Variants in DOT1L observed in about 807,000 individuals in gnomAD.
DOT1L encodes the protein histone-lysine N-methyltransferase, H3 lysine-79 specific.
DOT1L carries 33 observed loss-of-function variants against 153.3 expected under a neutral mutation model. The observed-to-expected ratio is 0.22, with a 90% CI of 0.16 to 0.29. The LOEUF is 0.29. DOT1L is among the 10% of genes least tolerant of loss of function. The probability of loss-of-function intolerance (pLI) is 1.00; values close to 1 mark genes in which losing one functional copy is unlikely to be tolerated. For missense variants in DOT1L, 1,847 were observed against 2,119.9 expected (o/e 0.87, Z 2.53); for synonymous variants, 1,135 against 965.1 (o/e 1.18, Z -3.26).
At chr19:2,214,104 C>T (rs1192638313) in intron 18 of DOT1L, 118 bp downstream of exon 18, 12 of 1,445,162 alleles carry the variant, frequency 8.3e-6, no homozygotes, top group African/African-American at 1.4e-5. Flanking sequence ...GGGTTTGTTC[C>T]CAGACGAATT....
In DOT1L at chr19:2,232,282, C is replaced by T. The variant is rs879187737; in HGVS notation, c.*2490C>T. The T allele has an allele frequency of 9.2e-6, 2 of 216,632 alleles. No homozygotes were observed. Among genetic ancestry groups the T allele is most frequent in the South Asian group, 3.7e-4 (2 of 5,370 alleles). The allele number at this position is 216,632 out of a possible 1,614,324, so 13.4% of individuals were successfully genotyped here. A position where few individuals can be genotyped will look rare whatever the true frequency, so the allele number is the denominator to read the frequency against. On this transcript the variant is annotated 3_prime_UTR_variant, in exon 28 of 28. Transcript: ENST00000398665. ...CACAGTGACTTATTTAAGACTTCCCCCTTAATTTATCTGCCCCCAGGATGC... is the reference window on the plus strand; with the variant it reads ...CACAGTGACTTATTTAAGACTTCCCTCTTAATTTATCTGCCCCCAGGATGC...
chr19:2,219,797 G>A (rs562839162), intron 22 of DOT1L, among the ~76,000 whole-genome samples: 1 of 152,288 alleles, frequency 6.6e-6, no homozygotes, highest in Admixed American at 6.5e-5. Context: ...TCCCGGTGAG[G>A]GCGGGCTGTG....
At position 2,229,774 on chromosome 19, in the gene DOT1L, C is replaced by T; in HGVS notation, c.4607-11C>T. The T allele has an allele frequency of 6.2e-7, 1 of 1,613,264 alleles. No homozygotes were observed. Among genetic ancestry groups the T allele is most frequent in the Non-Finnish European group, 8.5e-7 (1 of 1,179,944 alleles). On this transcript the variant is annotated splice_polypyrimidine_tract_variant and intron_variant, in intron 27 of 27. Coordinates refer to ENST00000398665, the MANE Select transcript of DOT1L (RefSeq NM_032482.3). The stretch of plus-strand genomic sequence containing the variant: ...ACCTCAGGCCGCTCTTCCCGCTGTG[C>T]CCTTCTGCAGGTAACTAGGATTTCT...
At position 2,231,615 on chromosome 19, in the gene DOT1L, G is replaced by A; in HGVS notation, c.*1823G>A. The A allele has an allele frequency of 4.8e-6, 1 of 207,800 alleles. No individual in the cohort carries two copies. Among genetic ancestry groups the A allele is most frequent in the Non-Finnish European group, 9.8e-6 (1 of 101,968 alleles). The allele number at this position is 207,800 out of a possible 1,614,324, so 12.9% of individuals were successfully genotyped here. Reference sequence around the variant, plus strand: ...TCCCCACCCCACGTTGGTGCTCTCAGCTAGAAGGTGCTGTGCCTCTGCCTG... The same window carrying A: ...TCCCCACCCCACGTTGGTGCTCTCAACTAGAAGGTGCTGTGCCTCTGCCTG... On this transcript the variant is annotated 3_prime_UTR_variant, in exon 28 of 28. Coordinates refer to ENST00000398665, the MANE Select transcript of DOT1L (RefSeq NM_032482.3).
chr19:2,175,741 A>T (rs901212012), intron 1 of DOT1L, among the ~76,000 whole-genome samples: 1 of 152,144 alleles, frequency 6.6e-6, no homozygotes, highest in African/African-American at 2.4e-5. Context: ...GAGACGGGAA[A>T]ATCGCTTGAA....
chr19:2,199,784 G>A (rs2023168682), intron 7 of DOT1L, 100 bp from the exon 8 acceptor site: 1 of 1,482,760 alleles, frequency 6.7e-7, no homozygotes, highest in Admixed American at 1.9e-5. Context: ...TTCACTGCAA[G>A]CGGAGCTGTG....
Position 2,226,818 on chromosome 19 carries a change from G to C in DOT1L, c.4297G>C (p.Val1433Leu), listed in dbSNP as rs749350627. The change falls in exon 27 of 28, where the codon GTG (valine) becomes CTG (leucine). Residue 1433 changes from valine (V) to leucine (L), a missense_variant. Physicochemically the swap from Val to Leu is conservative, Grantham distance 32. Coordinates refer to ENST00000398665, the MANE Select transcript of DOT1L (RefSeq NM_032482.3). ...CAACCTCTTCATCTCTGCGGCGGCC[G>C]TGCCTCCCGGAAGCCTCCTCAGCGG... Reference protein sequence around the residue: ...GHNLFISAAAVPPGSLLSGPG... With the variant: ...GHNLFISAAALPPGSLLSGPG... 1.3e-6 allele frequency: 2 copies of C among 1,578,472 alleles called. No individual in the cohort carries two copies. Among genetic ancestry groups the C allele is most frequent in the Non-Finnish European group, 1.7e-6 (2 of 1,170,354 alleles).
chr19:2,199,606 C>T (rs542478347), intron 7 of DOT1L, among the ~76,000 whole-genome samples: 51 of 152,150 alleles, frequency 3.4e-4, no homozygotes, highest in Non-Finnish European at 6.9e-4. Context: ...TTGGTGTGGC[C>T]GCAGTCCCCT....
In DOT1L at chr19:2,226,867, C is replaced by T; in HGVS notation, c.4346C>T (p.Ser1449Phe). Residue 1449 changes from serine to phenylalanine, a missense_variant, in exon 27 of 28, where the codon TCC becomes TTC. Transcript: ENST00000398665. ...GGCCCCGGCCTGGCCCCGGCGGCGT[C>T]CTCCGCAGGCGGCGCGGCGTCCTCC... ...LSGPGLAPAA[S>F]SAGGAASSAQ... 1 of 1,574,240 alleles carries T rather than the reference C, an allele frequency of 6.4e-7. No homozygotes were observed. Among genetic ancestry groups the T allele is most frequent in the African/African-American group, 1.4e-5 (1 of 71,880 alleles).
chr19:2,176,208 C>CCCTGT (rs147447362), intron 1 of DOT1L, among the ~76,000 whole-genome samples: 176 of 152,236 alleles, frequency 1.2e-3, no homozygotes, highest in African/African-American at 3.9e-3. Context: ...CTGCACAAAG[C>CCCTGT]CCTGTCCCCC....
In DOT1L at chr19:2,190,948, TTGG is replaced by T. The variant is rs35301355; in HGVS notation, c.265-57_265-55del. The stretch of plus-strand genomic sequence containing the variant: ...CTTCCGCTGGGAAAGGTCCCGGGTC[TTGG>T]TGGTGGAGGGGCTGGGCCGTGAGGT... On this transcript the variant is annotated intron_variant, in intron 4 of 27. Transcript: ENST00000398665. The surrounding 1 kb of genome is among the most constrained non-coding windows in gnomAD (Gnocchi z 4.8). 0.41 allele frequency: 598,909 copies of T among 1,460,980 alleles called. 125,251 individuals carry two copies. Among genetic ancestry groups the T allele is most frequent in the Middle Eastern group, 0.5 (2,653 of 5,268 alleles). 90.5% of individuals were successfully genotyped at this position (1,460,980 alleles called of 1,614,324 possible). A position where few individuals can be genotyped will look rare whatever the true frequency, so the allele number is the denominator to read the frequency against.
chr19:2,192,955 G>A (rs1054867164), intron 5 of DOT1L, among the ~76,000 whole-genome samples: 5 of 152,244 alleles, frequency 3.3e-5, no homozygotes, highest in African/African-American at 7.2e-5. Context: ...CTTCCCACTG[G>A]TGTGGTGGCG....
intron 3 of DOT1L, 29 bp downstream of exon 3, chr19:2,185,958 C>T: frequency 6.2e-7 from 1 of 1,607,406 alleles, no homozygotes; most frequent in Non-Finnish European, 8.5e-7. Context: ...AGCCGCTCCG[C>T]TCCGAGGACA....
In DOT1L at chr19:2,214,137, G is replaced by A. The variant is rs974340784; in HGVS notation, c.1797+151G>A. 2.3e-6 allele frequency: 3 copies of A among 1,321,948 alleles called. No homozygotes were observed. In the African/African-American group the frequency reaches 4.4e-5, roughly 19 times the overall value. The allele number at this position is 1,321,948 out of a possible 1,614,324, so 81.9% of individuals were successfully genotyped here. A position where few individuals can be genotyped will look rare whatever the true frequency, so the allele number is the denominator to read the frequency against. ...ATTGCGCCACCTGTGAAAGCTTGTC[G>A]AGCGCGTCACAGCAGGCAGGCCTGG... is the stretch of plus-strand genomic sequence containing the variant. On this transcript the variant is annotated intron_variant, in intron 18 of 27. Coordinates refer to ENST00000398665, the MANE Select transcript of DOT1L (RefSeq NM_032482.3).
chr19:2,170,548 C>G lies in DOT1L; in HGVS notation c.81+6283C>G, dbSNP rs577536712. On this transcript the variant is annotated intron_variant, in intron 1 of 27. Coordinates refer to ENST00000398665, the MANE Select transcript of DOT1L (RefSeq NM_032482.3). ...TACTGGGCAGCCCCGATTCAACTCA[C>G]TTCCAGCATGTCTACCTCGACACAG... Among the ~76,000 whole-genome samples, 54 of 152,268 alleles carry G rather than the reference C, an allele frequency of 3.5e-4. 1 individual carries two copies. Among genetic ancestry groups the G allele is most frequent in the South Asian group, 8.3e-4 (4 of 4,826 alleles).
chr19:2,182,311 G>C (rs185853564), intron 2 of DOT1L, among the ~76,000 whole-genome samples: 2 of 152,292 alleles, frequency 1.3e-5, no homozygotes, highest in Non-Finnish European at 2.9e-5. Context: ...GAGAGGCTGG[G>C]AGGGTTGATC....
At chr19:2,228,356 C>T (rs777994689) in intron 27 of DOT1L, 26 of 1,315,614 alleles carry the variant, frequency 2.0e-5, no homozygotes, top group Admixed American at 6.5e-5. Context: ...AAAGACCTTG[C>T]TTAGCTAGCA....
At position 2,232,065 on chromosome 19, in the gene DOT1L, G is replaced by T. The variant is rs1035711475; in HGVS notation, c.*2273G>T. The T allele has an allele frequency of 9.4e-5, 20 of 212,960 alleles. No individual in the cohort carries two copies. The highest frequency in any genetic ancestry group is 4.5e-4 in the African/African-American group (20 of 44,110). The allele number at this position is 212,960 out of a possible 1,614,324, so 13.2% of individuals were successfully genotyped here. Reference sequence around the variant, plus strand: ...GAGGGGTGGTGTGTGGCGGGTGGCAGGGTGGCTGTGGAGACTGGGGATCTG... The same window carrying T: ...GAGGGGTGGTGTGTGGCGGGTGGCATGGTGGCTGTGGAGACTGGGGATCTG... On this transcript the variant is annotated 3_prime_UTR_variant, in exon 28 of 28. Transcript: ENST00000398665.
chr19:2,182,953 C>T (rs915807887), intron 2 of DOT1L, among the ~76,000 whole-genome samples: 1 of 152,162 alleles, frequency 6.6e-6, no homozygotes, highest in Non-Finnish European at 1.5e-5. Context: ...GCACCAACAC[C>T]TGGGCATCCG....
Sources: allele counts gnomAD v4.1 joint callset (sites outside exome capture counted in the v4.1 genomes callset), GRCh38; gene constraint gnomAD v4.1.1; non-coding constraint Gnocchi (gnomAD v3.1); transcripts MANE v1.5; gene names NCBI Gene and HGNC (gene_info 2026-07-23, HGNC 2026-07-21).